The following BLM variants were observed in gnomAD, a reference collection of about 807,000 sequenced individuals.
BLM encodes recQ-like DNA helicase BLM.
BLM carries 95 observed loss-of-function variants against 135.3 expected under a neutral mutation model. The ratio of observed to expected loss-of-function variants is 0.70; its 90% CI spans 0.59 to 0.83. The LOEUF is 0.83. BLM is among the 40% of genes least tolerant of loss of function. BLM has a pLI of 0.00. For synonymous variants in BLM, 520 were observed against 589.2 expected (o/e 0.88, Z 1.70); for missense variants, 1,518 against 1,663.9 (o/e 0.91, Z 1.53).
Position 90,761,070 on chromosome 15 carries a change from A to G in BLM, c.1697A>G (p.Asp566Gly). The change falls in exon 7 of 22, where the codon GAC becomes GGC. Residue 566 changes from aspartate to glycine, a missense_variant. Transcript: ENST00000355112. Reference sequence around the variant, plus strand: ...ATAGATGACTTTGATGATGATGATGACTGGGAAGACATAATGCATAATTTA... The same window carrying G: ...ATAGATGACTTTGATGATGATGATGGCTGGGAAGACATAATGCATAATTTA... The part of the protein sequence containing the change: ...FDIDDFDDDD[D>G]WEDIMHNLAA... 3.2e-6 allele frequency: 5 copies of G among 1,576,868 alleles called. No homozygotes were observed. The highest frequency in any genetic ancestry group is 4.3e-6 in the Non-Finnish European group (5 of 1,164,926).
intron 1 of BLM, among the ~76,000 whole-genome samples, chr15:90,719,572 G>A (rs932865018): frequency 6.6e-6 from 1 of 152,138 alleles, no homozygotes; most frequent in East Asian, 1.9e-4. Flanking sequence ...TCCAGCCTGG[G>A]TGACAGAGTG....
In BLM at chr15:90,750,193, T is replaced by C. The variant is rs28384989; in HGVS notation, c.799+126T>C. ...AGGTTGTTAGGGTCTTTAGTGGTGC[T>C]TTTTGAATAATCTGTTGGCCACATT... On this transcript the variant is annotated intron_variant, in intron 3 of 21. Transcript: ENST00000355112. 2.3e-4 allele frequency: 244 copies of C among 1,046,126 alleles called. 4 individuals carry two copies. In the East Asian group the frequency reaches 4.0e-3, roughly 17 times the overall value. The allele number at this position is 1,046,126 out of a possible 1,614,324, so 64.8% of individuals were successfully genotyped here. A position where few individuals can be genotyped will look rare whatever the true frequency, so the allele number is the denominator to read the frequency against.
intron 1 of BLM, among the ~76,000 whole-genome samples, chr15:90,723,330 A>G (rs1894818878): frequency 6.6e-6 from 1 of 150,634 alleles, no homozygotes; most frequent in African/African-American, 2.4e-5. Context: ...CGTTGTAGAT[A>G]TAGTTTTTCT....
chr15:90,760,135 A>C lies in BLM; in HGVS notation c.1088-12A>C. 1 of 1,608,904 alleles carries C rather than the reference A, an allele frequency of 6.2e-7. No homozygotes were observed. The highest frequency in any genetic ancestry group is 8.5e-7 in the Non-Finnish European group (1 of 1,175,770). On this transcript the variant is annotated splice_polypyrimidine_tract_variant and intron_variant, in intron 5 of 21. Coordinates refer to ENST00000355112, the MANE Select transcript of BLM (RefSeq NM_000057.4). ...CTCAAAGAAAAATATTAACAACATA[A>C]TTATTTTATAGCTAGACAGATAAGT...
In BLM at chr15:90,811,275, C is replaced by T. The variant is rs1063147; in HGVS notation, c.3945C>T (p.Leu1315=). Residue 1315 remains leucine, a synonymous_variant, in exon 21 of 22, where the codon CTC becomes CTT. Transcript: ENST00000355112. The part of the protein sequence containing the change: ...RGPGRSAAEE[L]DEEIPVSSHY... Reference sequence around the variant, plus strand: ...CCGGAAGAAGTGCCGCTGAGGAGCTCGACGAGGAAATACCCGTATCTTCCC... The same window carrying T: ...CCGGAAGAAGTGCCGCTGAGGAGCTTGACGAGGAAATACCCGTATCTTCCC... 272,135 of 1,613,904 alleles carry T rather than the reference C, an allele frequency of 0.17. 23,851 individuals are homozygous for T. Among genetic ancestry groups the T allele is most frequent in the Non-Finnish European group, 0.18 (216,095 of 1,179,986 alleles).
intron 5 of BLM, 191 bp downstream of exon 5, chr15:90,755,129 C>A: frequency 1.5e-6 from 1 of 668,702 alleles, no homozygotes; most frequent in Non-Finnish European, 2.5e-6. Flanking sequence ...TGAACTCATG[C>A]TCTCACAAGG....
rs786204471 is a variant in BLM at position 90,766,966 on chromosome 15, C to CAAAT, written c.2250_2251insAAAT (p.Leu751LysfsTer25). 1.2e-5 allele frequency: 20 copies of CAAAT among 1,605,876 alleles called. No individual in the cohort carries two copies. The highest frequency in any genetic ancestry group is 1.5e-5 in the Non-Finnish European group (18 of 1,173,560). On this transcript the variant is annotated frameshift_variant, in exon 10 of 22. Transcript: ENST00000355112. LOFTEE classifies it high-confidence loss of function. The stretch of plus-strand genomic sequence containing the variant: ...CTGACTCAGAAGCTACAAATATTTA[C>CAAAT]CTCCAGTTATCAAAAAAAGACCCAA...
At chr15:90,738,814 C>T (rs776174935) in intron 1 of BLM, among the ~76,000 whole-genome samples, 1 of 152,130 alleles carries the variant, frequency 6.6e-6, no homozygotes, top group East Asian at 1.9e-4. Flanking sequence ...CAGAAAATAA[C>T]AAGTGTTGCT....
At chr15:90,754,226 T>A (rs2285460) in intron 4 of BLM, among the ~76,000 whole-genome samples, 29,942 of 152,186 alleles carry the variant, frequency 0.2, 3,162 homozygotes, top group African/African-American at 0.27. Context: ...ATTTTGTTAT[T>A]TGTAAAGTAT....
chr15:90,763,753 T>G (rs1896048516), intron 8 of BLM, among the ~76,000 whole-genome samples: 1 of 152,260 alleles, frequency 6.6e-6, no homozygotes. Flanking sequence ...GGCCCCACTT[T>G]AAAGAGTCTA....
intron 12 of BLM, among the ~76,000 whole-genome samples, chr15:90,781,263 G>A (rs191223656): frequency 2.0e-4 from 31 of 152,260 alleles, no homozygotes; most frequent in Middle Eastern, 3.4e-3. Flanking sequence ...ATGTATCCTG[G>A]GGTGTCCAAT....
chr15:90,754,978 C>G, intron 5 of BLM, 40 bp downstream of exon 5: 1 of 1,609,368 alleles, frequency 6.2e-7, no homozygotes, highest in Non-Finnish European at 8.5e-7. Context: ...ATTTCAACTA[C>G]TTACTTTTGA....
chr15:90,808,867 G>A, intron 19 of BLM: 1 of 522,034 alleles, frequency 1.9e-6, no homozygotes, highest in Non-Finnish European at 3.5e-6. Context: ...ACATGGCACA[G>A]GTCCCACCCT....
chr15:90,794,144 A>G, intron 15 of BLM, 23 bp from the exon 16 acceptor site: 1 of 1,551,328 alleles, frequency 6.4e-7, no homozygotes, highest in Non-Finnish European at 8.9e-7. Context: ...AGTATGTCTT[A>G]CTATAGTCTT....
In BLM at chr15:90,762,876, C is replaced by T; in HGVS notation, c.1883-90C>T. 2.6e-6 allele frequency: 3 copies of T among 1,175,044 alleles called. No homozygotes were observed. In the South Asian group the frequency reaches 4.1e-5, roughly 16 times the overall value. The allele number at this position is 1,175,044 out of a possible 1,614,324, so 72.8% of individuals were successfully genotyped here. ...GAACTGTGCTGCAGGGAAACGTGTG[C>T]CAGTGATTCTGCAGGGCAAGGGAAA... is the stretch of plus-strand genomic sequence containing the variant. On this transcript the variant is annotated intron_variant, in intron 7 of 21. Transcript: ENST00000355112.
intron 12 of BLM, among the ~76,000 whole-genome samples, chr15:90,775,249 G>A (rs1046760012): frequency 6.6e-6 from 1 of 152,078 alleles, no homozygotes; most frequent in Admixed American, 6.6e-5. Flanking sequence ...CCTGGGGCAG[G>A]TGCCTAGAAC....
rs2151147608 is a variant in BLM, at chr15:90,749,829, A to G, written c.561A>G (p.Lys187=). The change falls in exon 3 of 22, where the codon AAA becomes AAG. Residue 187 remains lysine (K), a synonymous_variant. Transcript: ENST00000355112. ...FVRVSTAQKS[K]KGKRNFFKAQ... ...GAGTAAGCACTGCTCAGAAATCAAA[A>G]AAGGGTAAGAGAAACTTTTTTAAAG... 1.3e-6 allele frequency: 2 copies of G among 1,593,990 alleles called. No homozygotes were observed. Among genetic ancestry groups the G allele is most frequent in the Non-Finnish European group, 1.7e-6 (2 of 1,171,388 alleles).
rs754239620 is a variant in BLM, at chr15:90,740,184, A to T, written c.-4-7205A>T. Among the ~76,000 whole-genome samples, 9 of 152,130 alleles carry T rather than the reference A, an allele frequency of 5.9e-5. No homozygotes were observed. The South Asian group carries it at 1.9e-3, about 32-fold the overall frequency. On this transcript the variant is annotated intron_variant, in intron 1 of 21. Coordinates refer to ENST00000355112, the MANE Select transcript of BLM (RefSeq NM_000057.4). ...CCATCACCGCAATCAATGTTGGAAC[A>T]TTTTCATCAGCCCACAGAGAAATTT...
In BLM at chr15:90,778,889, C is replaced by CTTTTTTTTTTTTTTTTTTTTTT. The variant is rs60733714; in HGVS notation, c.2556-3919_2556-3918insTTTTTTTTTTTTTTTTTTTTTT. On this transcript the variant is annotated intron_variant, in intron 12 of 21. Coordinates refer to ENST00000355112, the MANE Select transcript of BLM (RefSeq NM_000057.4). ...ATAGAAACTCTATGTTTAACCCTTT[C>CTTTTTTTTTTTTTTTTTTTTTT]TTTTTTTTTTTTTTGAGACGGAGTC... Among the ~76,000 whole-genome samples the CTTTTTTTTTTTTTTTTTTTTTT allele has an allele frequency of 1.1e-4, 15 of 135,082 alleles. 2 individuals carry two copies. Among genetic ancestry groups the CTTTTTTTTTTTTTTTTTTTTTT allele is most frequent in the South Asian group, 2.3e-4 (1 of 4,332 alleles). The allele number at this position is 135,082 out of a possible 152,430, so 88.6% of individuals were successfully genotyped here.
Sources: gnomAD v4.1 joint callset for allele counts (sites outside exome capture counted in the v4.1 genomes callset) on GRCh38, gnomAD v4.1.1 for gene constraint, MANE v1.5 for transcripts, NCBI Gene and HGNC (gene_info 2026-07-23, HGNC 2026-07-21) for gene names.